The following MEGF6 variants were observed in gnomAD, a reference collection of about 807,000 sequenced individuals.
MEGF6 encodes multiple epidermal growth factor-like domains protein 6.
A neutral mutation model predicts 207.1 loss-of-function variants in MEGF6; 184 were observed. That is an observed-to-expected ratio of 0.89 (90% CI 0.79 to 1.00). The LOEUF is 1.00. MEGF6 is among the 50% of genes least tolerant of loss of function. MEGF6 has a pLI of 0.00. For missense variants in MEGF6, 2,282 were observed against 2,202.9 expected (o/e 1.04, Z -0.72); for synonymous variants, 1,038 against 910.0 (o/e 1.14, Z -2.53).
intron 4 of MEGF6, among the ~76,000 whole-genome samples, chr1:3,545,467 G>A (rs975053614): frequency 2.6e-5 from 4 of 152,160 alleles, no homozygotes; most frequent in African/African-American, 4.8e-5. Context: ...CAGCTCCAAC[G>A]TGTGGAGGTG....
intron 3 of MEGF6, among the ~76,000 whole-genome samples, chr1:3,588,925 T>C (rs772531264): frequency 3.3e-5 from 5 of 152,086 alleles, no homozygotes; most frequent in Non-Finnish European, 7.4e-5. Context: ...CCTGCCCTCA[T>C]GAGGGCCCCA....
Position 3,514,677 on chromosome 1 carries a change from A to G in MEGF6, c.731-5T>C, listed in dbSNP as rs1467773148. The G allele has an allele frequency of 6.4e-7, 1 of 1,571,836 alleles. No homozygotes were observed. Among genetic ancestry groups the G allele is most frequent in the Admixed American group, 1.8e-5 (1 of 56,394 alleles). ...TGTTGGCACACGGGCTTCTACCTGC[A>G]GCCACGGGCCCGAGGAGGGGGTTGG... On this transcript the variant is annotated splice_region_variant and splice_polypyrimidine_tract_variant and intron_variant, in intron 6 of 36. Transcript: ENST00000356575.
At chr1:3,563,083 C>T (rs981057018) in intron 4 of MEGF6, among the ~76,000 whole-genome samples, 1 of 152,174 alleles carries the variant, frequency 6.6e-6, no homozygotes, top group African/African-American at 2.4e-5. Context: ...AAGGGTCCCT[C>T]CCTGGAGGCT....
At position 3,560,298 on chromosome 1, in the gene MEGF6, G is replaced by A. The variant is rs919279079; in HGVS notation, c.481+19527C>T. ...CGCTTGGTACAGCGGACGAGCCCAC[G>A]TTGACACATTGTTGTTAACTGAGTC... is the stretch of plus-strand genomic sequence containing the variant. On this transcript the variant is annotated intron_variant, in intron 4 of 36. Transcript: ENST00000356575. The surrounding 1 kb of genome is among the most constrained non-coding windows in gnomAD (Gnocchi z 4.0). 5.3e-5 allele frequency among the ~76,000 whole-genome samples: 8 copies of A among 152,286 alleles called. No homozygotes were observed. Among genetic ancestry groups the A allele is most frequent in the Non-Finnish European group, 8.8e-5 (6 of 68,024 alleles).
chr1:3,500,541 T>C, intron 21 of MEGF6, 92 bp downstream of exon 21: 1 of 1,446,848 alleles, frequency 6.9e-7, no homozygotes, highest in Non-Finnish European at 9.1e-7. Context: ...CAGGAGGGAG[T>C]ACGGTCAAAG....
At chr1:3,605,584 A>G (rs1312868119) in intron 1 of MEGF6, among the ~76,000 whole-genome samples, 1 of 151,922 alleles carries the variant, frequency 6.6e-6, no homozygotes, top group Non-Finnish European at 1.5e-5. Context: ...ACACACATAC[A>G]CTCATACAAT....
At position 3,556,452 on chromosome 1, in the gene MEGF6, G is replaced by A. The variant is rs945249851; in HGVS notation, c.481+23373C>T. On this transcript the variant is annotated intron_variant, in intron 4 of 36. Transcript: ENST00000356575. This position sits in a 1 kb window ranked among gnomAD's most constrained non-coding sequence, Gnocchi z 4.4. ...CCTCCTCACGGAGCCACAGCCAGCA[G>A]GGGTAGGAGAAACCTCGGCAAAGCA... Among the ~76,000 whole-genome samples, 3 of 152,228 alleles carry A rather than the reference G, an allele frequency of 2.0e-5. No individual in the cohort carries two copies. Among genetic ancestry groups the A allele is most frequent in the Non-Finnish European group, 4.4e-5 (3 of 68,040 alleles).
Position 3,511,568 on chromosome 1 carries a change from C to A in MEGF6, c.1096G>T (p.Asp366Tyr). ...TGCGCACCGATGCAGGTCCTCTGAT[C>A]TGTGTCCAGCTCGTAGCCGCGGGGA... ...TCPRGYELDT[D>Y]QRTCIDVDDC... The change falls in exon 9 of 37, where the codon GAT (aspartate) becomes TAT (tyrosine). Residue 366 changes from aspartate (D) to tyrosine (Y), a missense_variant. By Grantham distance (160) the Asp-to-Tyr change is radical. Transcript: ENST00000356575. 6.2e-7 allele frequency: 1 copy of A among 1,610,880 alleles called. No individual in the cohort carries two copies. Among genetic ancestry groups the A allele is most frequent in the Non-Finnish European group, 8.5e-7 (1 of 1,178,440 alleles).
At chr1:3,496,101 G>A (rs1460411100) in intron 29 of MEGF6, 83 bp from the exon 30 acceptor site, 1 of 1,430,624 alleles carries the variant, frequency 7.0e-7, no homozygotes, top group African/African-American at 1.4e-5. Flanking sequence ...AGGACAGGAT[G>A]GGATGGGGTG....
intron 3 of MEGF6, among the ~76,000 whole-genome samples, chr1:3,588,968 G>A (rs1168731547): frequency 1.2e-4 from 18 of 152,238 alleles, no homozygotes; most frequent in Admixed American, 1.2e-3. Context: ...TGGAAATCCT[G>A]TCCCCCAAAT....
rs1640820296 is a variant in MEGF6 at position 3,500,686 on chromosome 1, ATGGCAT to A, written c.2648_2653del (p.Asp883_Ile885delinsVal). On this transcript the variant is annotated inframe_deletion, in exon 21 of 37. Coordinates refer to ENST00000356575, the MANE Select transcript of MEGF6 (RefSeq NM_001409.4). Reference sequence around the variant, plus strand: ...AGCCTCACACAGACACAGGCCGCTGATGGCATCACAGCTCCCGTGGCCAGCGCTGCA... The same window carrying A: ...AGCCTCACACAGACACAGGCCGCTGACACAGCTCCCGTGGCCAGCGCTGCA... 6.3e-7 allele frequency: 1 copy of A among 1,579,572 alleles called. No individual in the cohort carries two copies. The highest frequency in any genetic ancestry group is 1.8e-5 in the Admixed American group (1 of 55,300).
At chr1:3,553,611 C>CGGGAGGCCCTGCCT (rs1642951980) in intron 4 of MEGF6, among the ~76,000 whole-genome samples, 3 of 152,186 alleles carry the variant, frequency 2.0e-5, no homozygotes. Flanking sequence ...CCTGCCTGCC[C>CGGGAGGCCCTGCCT]GGGAGGCCAC....
chr1:3,565,579 C>T lies in MEGF6; in HGVS notation c.481+14246G>A, dbSNP rs368705970. Among the ~76,000 whole-genome samples the T allele has an allele frequency of 2.0e-5, 3 of 152,160 alleles. No individual in the cohort carries two copies. The highest frequency in any genetic ancestry group is 2.1e-4 in the South Asian group (1 of 4,836). On this transcript the variant is annotated intron_variant, in intron 4 of 36. Transcript: ENST00000356575. This position sits in a 1 kb window ranked among gnomAD's most constrained non-coding sequence, Gnocchi z 4.8. ...CGGGGCTGCCTGGCCTGGCCCTGGA[C>T]GGTCCCCATGGTAGGACCTGGGGCA... is the stretch of plus-strand genomic sequence containing the variant.
At chr1:3,502,110 C>CCTGGCGAGTGTGCCCCCCACCTCCTCACA (rs1327645637) in intron 17 of MEGF6, among the ~76,000 whole-genome samples, 189 bp from the exon 18 acceptor site, 1 of 17,332 alleles carries the variant, frequency 5.8e-5, no homozygotes, top group Non-Finnish European at 1.1e-4. Flanking sequence ...CACATGGGCT[C>CCTGGCGAGTGTGCCCCCCACCTCCTCACA]TGGCTCTAGC....
chr1:3,492,329 AG>A (rs1178644005), intron 35 of MEGF6, among the ~76,000 whole-genome samples: 1 of 152,076 alleles, frequency 6.6e-6, no homozygotes, highest in African/African-American at 2.4e-5. Flanking sequence ...GACCCTCTTC[AG>A]GCCCCCGGTG....
At chr1:3,548,960 G>A (rs1191194539) in intron 4 of MEGF6, among the ~76,000 whole-genome samples, 1 of 152,170 alleles carries the variant, frequency 6.6e-6, no homozygotes, top group African/African-American at 2.4e-5. Flanking sequence ...ACCGCTGCCT[G>A]GTCACCCTCA....
intron 4 of MEGF6, among the ~76,000 whole-genome samples, chr1:3,540,780 C>A (rs78904447): frequency 6.6e-6 from 1 of 152,210 alleles, no homozygotes; most frequent in Non-Finnish European, 1.5e-5. Context: ...CCATTCCCCA[C>A]GGCAGAGCCT....
At chr1:3,583,414 G>A (rs141214004) in intron 3 of MEGF6, among the ~76,000 whole-genome samples, 1,071 of 3,318 alleles carry the variant, frequency 0.32, 35 homozygotes, top group Non-Finnish European at 0.38. Flanking sequence ...CAGACAACCC[G>A]CAGCCACCAG....
chr1:3,498,549 C>T (rs565690184), intron 25 of MEGF6, 50 bp from the exon 26 acceptor site: 2 of 1,515,312 alleles, frequency 1.3e-6, no homozygotes, highest in South Asian at 2.4e-5. Context: ...CTCCTGGGCC[C>T]AGGAGACCCT....
Sources: allele counts gnomAD v4.1 joint callset (sites outside exome capture counted in the v4.1 genomes callset), GRCh38; gene constraint gnomAD v4.1.1; non-coding constraint Gnocchi (gnomAD v3.1); transcripts MANE v1.5; gene names NCBI Gene and HGNC (gene_info 2026-07-23, HGNC 2026-07-21).